TLL1: variants seen among roughly 807,000 people sequenced by gnomAD.
TLL1 encodes the protein tolloid like 1, also known as tolloid-like protein 1.
A neutral mutation model predicts 128.2 loss-of-function variants in TLL1; 49 were observed. That is an observed-to-expected ratio of 0.38 (90% CI 0.30 to 0.48). The LOEUF is 0.48. Ranked by LOEUF, TLL1 falls within the 20% of genes least tolerant of loss-of-function variation. TLL1 has a pLI of 0.96. For missense variants in TLL1, 1,123 were observed against 1,242.0 expected, an observed-to-expected ratio of 0.90 and a Z score of 1.44; for synonymous variants, 454 against 418.8, an observed-to-expected ratio of 1.08 and a Z score of -1.03.
chr4:165,893,462 G>A (rs1731509977), intron 1 of TLL1, among the ~76,000 whole-genome samples: 1 of 152,170 alleles, frequency 6.6e-6, no homozygotes, highest in Non-Finnish European at 1.5e-5. Flanking sequence ...GTGGAGCTGG[G>A]AATTCAAAGA....
At chr4:165,974,061 G>A (rs1392707143) in intron 1 of TLL1, among the ~76,000 whole-genome samples, 1 of 151,216 alleles carries the variant, frequency 6.6e-6, no homozygotes. Flanking sequence ...CTGTACCCTG[G>A]CATAGCTGAC....
intron 1 of TLL1, among the ~76,000 whole-genome samples, chr4:165,924,659 G>A (rs939277990): frequency 6.6e-6 from 1 of 152,130 alleles, no homozygotes; most frequent in African/African-American, 2.4e-5. Context: ...TAAGATCATT[G>A]ATGGAGGTGG....
Position 165,994,515 on chromosome 4 carries a change from A to G in TLL1, c.496A>G (p.Ile166Val). ...GCCTGGAGGCGTTATTCCTTATGTT[A>G]TAGGAGGAAACTTCACTGGTAAGAT... ...IWPGGVIPYV[I>V]GGNFTGSQRA... is the part of the protein sequence containing the mutation. The change falls in exon 4 of 21, where the codon ATA (isoleucine) becomes GTA (valine). Residue 166 changes from isoleucine (I) to valine (V), a missense_variant. Physicochemically the swap from Ile to Val is conservative, Grantham distance 29. This residue lies in a region of TLL1 where 480 missense variants were observed against 542.4 expected (regional missense o/e 0.89). Transcript: ENST00000061240. 1 of 1,614,014 alleles carries G rather than the reference A, an allele frequency of 6.2e-7. No homozygotes were observed. The highest frequency in any genetic ancestry group is 1.3e-5 in the African/African-American group (1 of 75,060).
intron 12 of TLL1, among the ~76,000 whole-genome samples, chr4:166,052,961 A>ATGTGTGTGTGTGTG (rs139204407): frequency 9.2e-6 from 1 of 109,136 alleles, no homozygotes; most frequent in African/African-American, 4.3e-5. Flanking sequence ...ATAAGAGGTT[A>ATGTGTGTGTGTGTG]TGTGTATATA....
chr4:165,956,796 C>T (rs1166822447), intron 1 of TLL1, among the ~76,000 whole-genome samples: 2 of 152,064 alleles, frequency 1.3e-5, no homozygotes, highest in Non-Finnish European at 2.9e-5. Context: ...AATTTGGGAA[C>T]TGATAAATGT....
intron 15 of TLL1, among the ~76,000 whole-genome samples, chr4:166,060,423 T>C (rs936003939): frequency 2.6e-4 from 39 of 152,268 alleles, no homozygotes; most frequent in Middle Eastern, 6.8e-3. Flanking sequence ...GTGTATTTAA[T>C]ATTTACCATT....
rs182045890 is a variant in TLL1, at chr4:166,099,937, T to A, written c.2907+410T>A. On this transcript the variant is annotated intron_variant, in intron 20 of 20. Coordinates refer to ENST00000061240, the MANE Select transcript of TLL1 (RefSeq NM_012464.5). ...ACCATTCTAATTCACATTCTCTTTTTAACAAATATATTTGGAGGCGGTGGC... is the reference window on the plus strand; with the variant it reads ...ACCATTCTAATTCACATTCTCTTTTAAACAAATATATTTGGAGGCGGTGGC... Among the ~76,000 whole-genome samples the A allele has an allele frequency of 5.9e-5, 9 of 152,240 alleles. No homozygotes were observed. The East Asian group carries it at 1.4e-3, about 23-fold the overall frequency.
Position 166,057,151 on chromosome 4 carries a change from A to T in TLL1, c.1721-33A>T, listed in dbSNP as rs1029864477. The stretch of plus-strand genomic sequence containing the variant: ...CACATACATACACACATATATATGT[A>T]TAGTTGTTCTATAACTATGACCATT... On this transcript the variant is annotated intron_variant, in intron 13 of 20. Coordinates refer to ENST00000061240, the MANE Select transcript of TLL1 (RefSeq NM_012464.5). 8.1e-6 allele frequency: 13 copies of T among 1,612,068 alleles called. No individual in the cohort carries two copies. In the Admixed American group the frequency reaches 1.2e-4, roughly 14 times the overall value.
intron 16 of TLL1, among the ~76,000 whole-genome samples, chr4:166,072,702 T>C (rs116163420): frequency 0.013 from 2,044 of 152,206 alleles, 48 homozygotes; most frequent in African/African-American, 0.047. Context: ...TTATTTTTAT[T>C]ATAAAATGAC....
chr4:166,049,092 T>C (rs1579672319), intron 12 of TLL1, among the ~76,000 whole-genome samples: 1 of 152,356 alleles, frequency 6.6e-6, no homozygotes, highest in Non-Finnish European at 1.5e-5. Context: ...GTACTGTTTC[T>C]GGGAACTTAG....
chr4:165,921,244 A>G (rs188947127), intron 1 of TLL1, among the ~76,000 whole-genome samples: 7 of 152,352 alleles, frequency 4.6e-5, no homozygotes, highest in Middle Eastern at 3.4e-3. Flanking sequence ...TGGATGCAGC[A>G]TTTAGAACAA....
At chr4:166,046,997 G>C (rs899517942) in intron 12 of TLL1, among the ~76,000 whole-genome samples, 4 of 151,892 alleles carry the variant, frequency 2.6e-5, no homozygotes, top group Non-Finnish European at 5.9e-5. Context: ...GTTTACATAT[G>C]TTTTCAATAT....
chr4:166,011,694 G>T (rs207465237), intron 7 of TLL1, among the ~76,000 whole-genome samples: 2 of 151,370 alleles, frequency 1.3e-5, no homozygotes, highest in African/African-American at 4.8e-5. Flanking sequence ...ACAAGGGTGG[G>T]CATCCTTGCC....
At chr4:165,983,679 G>T (rs932107989) in intron 1 of TLL1, among the ~76,000 whole-genome samples, 1 of 151,782 alleles carries the variant, frequency 6.6e-6, no homozygotes, top group Non-Finnish European at 1.5e-5. Flanking sequence ...TTAACTTGAG[G>T]AGAAGTTCTA....
At chr4:165,994,574 A>C in intron 4 of TLL1, 41 bp downstream of exon 4, 3 of 1,606,154 alleles carry the variant, frequency 1.9e-6, no homozygotes, top group Non-Finnish European at 2.6e-6. Flanking sequence ...AAAGAAATAA[A>C]AACTATCATA....
At chr4:166,062,646 C>A (rs77999329) in intron 15 of TLL1, among the ~76,000 whole-genome samples, 1 of 152,136 alleles carries the variant, frequency 6.6e-6, no homozygotes, top group East Asian at 1.9e-4. Flanking sequence ...TCTAAATATA[C>A]AATCATGTCA....
Position 165,994,507 on chromosome 4 carries a change from C to T in TLL1, c.488C>T (p.Pro163Leu). The T allele has an allele frequency of 6.2e-7, 1 of 1,613,932 alleles. No homozygotes were observed. The highest frequency in any genetic ancestry group is 8.5e-7 in the Non-Finnish European group (1 of 1,179,904). Residue 163 changes from proline to leucine, a missense_variant, in exon 4 of 21, where the codon CCT becomes CTT. Transcript: ENST00000061240. The stretch of plus-strand genomic sequence containing the variant: ...AGAATATGGCCTGGAGGCGTTATTC[C>T]TTATGTTATAGGAGGAAACTTCACT... ...TERIWPGGVI[P>L]YVIGGNFTGS... is the part of the protein sequence containing the mutation.
At chr4:165,907,205 T>C (rs931334689) in intron 1 of TLL1, among the ~76,000 whole-genome samples, 5 of 152,218 alleles carry the variant, frequency 3.3e-5, no homozygotes, top group Non-Finnish European at 5.9e-5. Flanking sequence ...TTTAAGAGTA[T>C]GTCATAGTAA....
intron 10 of TLL1, among the ~76,000 whole-genome samples, chr4:166,040,301 A>C (rs927329905): frequency 1.3e-5 from 2 of 152,218 alleles, no homozygotes; most frequent in Admixed American, 1.3e-4. Context: ...CTGTAGAAAT[A>C]TTTAAAAATA....
Sources: allele counts gnomAD v4.1 joint callset (sites outside exome capture counted in the v4.1 genomes callset), GRCh38; gene constraint gnomAD v4.1.1; regional missense constraint gnomAD v4.1.1; transcripts MANE v1.5; gene names NCBI Gene and HGNC (gene_info 2026-07-23, HGNC 2026-07-21).